The following RABGAP1L variants were observed in gnomAD, a reference collection of about 807,000 sequenced individuals.
RABGAP1L encodes the protein rab GTPase-activating protein 1-like.
A neutral mutation model predicts 137.7 loss-of-function variants in RABGAP1L; 63 were observed. The ratio of observed to expected loss-of-function variants is 0.46; its 90% CI spans 0.37 to 0.56. RABGAP1L has a LOEUF of 0.56. Ranked by LOEUF, RABGAP1L falls within the 20% of genes least tolerant of loss-of-function variation. The pLI, the probability that RABGAP1L is intolerant of heterozygous loss-of-function variation, is 0.00. For synonymous variants in RABGAP1L, 431 were observed against 433.7 expected (o/e 0.99, Z 0.08); for missense variants, 1,095 against 1,244.0 (o/e 0.88, Z 1.80).
chr1:174,511,314 A>C (rs1662308006), intron 13 of RABGAP1L, among the ~76,000 whole-genome samples: 1 of 152,222 alleles, frequency 6.6e-6, no homozygotes, highest in African/African-American at 2.4e-5. Flanking sequence ...GTTTTCAGTG[A>C]AACATAGGTG....
At chr1:174,312,193 T>C (rs1332690873) in intron 11 of RABGAP1L, among the ~76,000 whole-genome samples, 1 of 152,244 alleles carries the variant, frequency 6.6e-6, no homozygotes. Flanking sequence ...GTGGTTGTAC[T>C]AATTTACATT....
intron 14 of RABGAP1L, among the ~76,000 whole-genome samples, chr1:174,665,018 T>C (rs1431730995): frequency 6.6e-6 from 1 of 152,224 alleles, no homozygotes; most frequent in Non-Finnish European, 1.5e-5. Flanking sequence ...ATTACAGGCA[T>C]GAGCCACTGC....
chr1:174,346,660 A>G (rs1166599111), intron 11 of RABGAP1L, among the ~76,000 whole-genome samples: 1 of 149,482 alleles, frequency 6.7e-6, no homozygotes, highest in Non-Finnish European at 1.5e-5. Flanking sequence ...AAGTTCTATC[A>G]ATTTTGTTTA....
intron 18 of RABGAP1L, among the ~76,000 whole-genome samples, chr1:174,779,656 G>A (rs1686800617): frequency 6.6e-6 from 1 of 151,928 alleles, no homozygotes; most frequent in Admixed American, 6.6e-5. Context: ...ATTTCTGCTT[G>A]GTTTTGAAGT....
chr1:174,893,665 C>T (rs1011103400), intron 19 of RABGAP1L, among the ~76,000 whole-genome samples: 3 of 152,138 alleles, frequency 2.0e-5, no homozygotes, highest in African/African-American at 7.2e-5. Context: ...ATAACATGTT[C>T]TACTTTCCCT....
At chr1:174,984,601 G>C (rs932959416) in intron 24 of RABGAP1L, among the ~76,000 whole-genome samples, 1 of 152,088 alleles carries the variant, frequency 6.6e-6, no homozygotes, top group East Asian at 1.9e-4. Context: ...AATTAGCCAG[G>C]CATAGTGGCT....
At chr1:174,884,947 T>C (rs1045786463) in intron 19 of RABGAP1L, among the ~76,000 whole-genome samples, 1 of 152,054 alleles carries the variant, frequency 6.6e-6, no homozygotes, top group Non-Finnish European at 1.5e-5. Context: ...GTTAGGTGAG[T>C]TTTGTGATAG....
intron 18 of RABGAP1L, among the ~76,000 whole-genome samples, chr1:174,789,425 A>G (rs1687687368): frequency 6.6e-6 from 1 of 152,206 alleles, no homozygotes; most frequent in Non-Finnish European, 1.5e-5. Flanking sequence ...ATGCTCTTAC[A>G]TTCCCTGATT....
At chr1:174,192,291 T>A (rs1667265511) in intron 1 of RABGAP1L, among the ~76,000 whole-genome samples, 1 of 151,426 alleles carries the variant, frequency 6.6e-6, no homozygotes, top group Non-Finnish European at 1.5e-5. Flanking sequence ...AGAGTCTAAT[T>A]GAGTCACTTA....
At chr1:174,229,901 T>A (rs1670491577) in intron 3 of RABGAP1L, among the ~76,000 whole-genome samples, 1 of 152,174 alleles carries the variant, frequency 6.6e-6, no homozygotes, top group Non-Finnish European at 1.5e-5. Context: ...AAAGTGTTCC[T>A]ATTTCTCCAC....
chr1:174,750,627 A>C (rs1321633687), intron 17 of RABGAP1L, among the ~76,000 whole-genome samples: 1 of 152,220 alleles, frequency 6.6e-6, no homozygotes, highest in Non-Finnish European at 1.5e-5. Context: ...AAAGGCTACC[A>C]TGAAAGGATT....
At chr1:174,498,986 T>C (rs539399082) in intron 13 of RABGAP1L, among the ~76,000 whole-genome samples, 1 of 152,266 alleles carries the variant, frequency 6.6e-6, no homozygotes, top group East Asian at 1.9e-4. Context: ...ATTATTTTAA[T>C]AAGTAGAGTA....
At chr1:174,238,348 C>T (rs1435930285) in intron 4 of RABGAP1L, among the ~76,000 whole-genome samples, 2 of 152,134 alleles carry the variant, frequency 1.3e-5, no homozygotes, top group African/African-American at 4.8e-5. Flanking sequence ...AGACGCTCTG[C>T]GTTTTAGAGT....
chr1:174,946,228 C>G (rs139738067), intron 19 of RABGAP1L, among the ~76,000 whole-genome samples: 3 of 152,138 alleles, frequency 2.0e-5, no homozygotes, highest in Non-Finnish European at 2.9e-5. Flanking sequence ...AGGCTACTGA[C>G]GAGGCTTATC....
At chr1:174,956,911 G>C (rs939746716) in intron 19 of RABGAP1L, among the ~76,000 whole-genome samples, 1 of 152,024 alleles carries the variant, frequency 6.6e-6, no homozygotes, top group Non-Finnish European at 1.5e-5. Context: ...GCCTCCCAAA[G>C]TGCTGGGATT....
At chr1:174,243,497 A>G (rs1208987139) in intron 5 of RABGAP1L, among the ~76,000 whole-genome samples, 3 of 152,162 alleles carry the variant, frequency 2.0e-5, no homozygotes, top group South Asian at 4.1e-4. Context: ...AAACCTTATT[A>G]TGAGACATTA....
chr1:174,856,564 T>C (rs1236104979), intron 19 of RABGAP1L, among the ~76,000 whole-genome samples: 5 of 152,154 alleles, frequency 3.3e-5, no homozygotes, highest in African/African-American at 1.2e-4. Context: ...AACAGAAGCA[T>C]CCAAAGGTCA....
chr1:174,408,954 T>C (rs1351745075), intron 13 of RABGAP1L, among the ~76,000 whole-genome samples: 1 of 152,204 alleles, frequency 6.6e-6, no homozygotes, highest in African/African-American at 2.4e-5. Context: ...TTATAGATTC[T>C]AATGTTAGAC....
intron 1 of RABGAP1L, among the ~76,000 whole-genome samples, chr1:174,185,304 A>G (rs901358231): frequency 1.3e-5 from 2 of 152,248 alleles, no homozygotes; most frequent in African/African-American, 2.4e-5. Context: ...GCAAGTAAAT[A>G]TACCAACTGA....
Sources: allele counts gnomAD v4.1 joint callset (sites outside exome capture counted in the v4.1 genomes callset), GRCh38; gene constraint gnomAD v4.1.1; transcripts MANE v1.5; gene names NCBI Gene and HGNC (gene_info 2026-07-23, HGNC 2026-07-21).